RBM19: variants seen among roughly 807,000 people sequenced by gnomAD.
RBM19 encodes RNA binding motif protein 19, also known as probable RNA-binding protein 19.
A neutral mutation model predicts 116.8 loss-of-function variants in RBM19; 94 were observed. The observed-to-expected ratio is 0.80, with a 90% CI of 0.68 to 0.95. The LOEUF (loss-of-function observed/expected upper bound fraction) is 0.95. Ranked by LOEUF, RBM19 falls within the 40% of genes least tolerant of loss-of-function variation. The pLI, the probability that RBM19 is intolerant of heterozygous loss-of-function variation, is 0.00. For missense variants in RBM19, 1,161 were observed against 1,220.7 expected (o/e 0.95, Z 0.73); for synonymous variants, 475 against 494.1 (o/e 0.96, Z 0.51).
At chr12:113,836,075 A>G (rs988375563) in intron 23 of RBM19, among the ~76,000 whole-genome samples, 3 of 152,212 alleles carry the variant, frequency 2.0e-5, no homozygotes, top group Admixed American at 1.3e-4. Context: ...AAAAGGACAC[A>G]GCCAGCGGCG....
At chr12:113,962,039 GA>G (rs1872539425) in intron 2 of RBM19, among the ~76,000 whole-genome samples, 192 bp downstream of exon 2, 1 of 152,258 alleles carries the variant, frequency 6.6e-6, no homozygotes, top group African/African-American at 2.4e-5. Flanking sequence ...ATGCTCTGGG[GA>G]CGGGCCCAGG....
At chr12:113,901,330 AAT>A (rs1484322255) in intron 21 of RBM19, among the ~76,000 whole-genome samples, 1 of 151,870 alleles carries the variant, frequency 6.6e-6, no homozygotes, top group African/African-American at 2.4e-5. Context: ...GTGGCAGCTG[AAT>A]ATTAGTTTCC....
At chr12:113,830,570 C>CGGGGGGGGGG (rs869235673) in intron 23 of RBM19, among the ~76,000 whole-genome samples, 7 of 7,838 alleles carry the variant, frequency 8.9e-4, no homozygotes, top group Non-Finnish European at 1.5e-3. Flanking sequence ...GCTAGGGCTG[C>CGGGGGGGGGG]GGGGCGGGGG....
At chr12:113,952,919 T>G (rs536972229) in intron 7 of RBM19, among the ~76,000 whole-genome samples, 111 of 152,326 alleles carry the variant, frequency 7.3e-4, no homozygotes, top group Non-Finnish European at 1.3e-3. Context: ...CACTTCTCAT[T>G]AAGCTTGAGT....
At chr12:113,927,608 A>AAC (rs376177624) in intron 16 of RBM19, among the ~76,000 whole-genome samples, 16,034 of 119,552 alleles carry the variant, frequency 0.13, 975 homozygotes, top group East Asian at 0.28. Flanking sequence ...AAAAAAACAA[A>AAC]AAAAAAAAAA....
At chr12:113,836,395 T>C (rs1593462110) in intron 23 of RBM19, among the ~76,000 whole-genome samples, 2 of 152,186 alleles carry the variant, frequency 1.3e-5, no homozygotes, top group African/African-American at 4.8e-5. Flanking sequence ...TGTCCTTCGC[T>C]GTTCAATTTG....
intron 23 of RBM19, among the ~76,000 whole-genome samples, chr12:113,834,828 G>A (rs1875736179): frequency 6.6e-6 from 1 of 152,150 alleles, no homozygotes; most frequent in African/African-American, 2.4e-5. Flanking sequence ...TAACTGCTCT[G>A]GGTCTTGGTT....
intron 21 of RBM19, among the ~76,000 whole-genome samples, chr12:113,891,331 C>T (rs1462196175): frequency 6.6e-6 from 1 of 152,194 alleles, no homozygotes; most frequent in African/African-American, 2.4e-5. Flanking sequence ...GGGAAGTCAA[C>T]ATTAGCACAA....
At chr12:113,929,082 C>T (rs1020194122) in intron 16 of RBM19, among the ~76,000 whole-genome samples, 29 of 152,250 alleles carry the variant, frequency 1.9e-4, no homozygotes, top group African/African-American at 6.5e-4. Context: ...CGGGCGGGTA[C>T]GCTGGAGCTG....
chr12:113,875,012 C>T (rs968379907), intron 21 of RBM19, among the ~76,000 whole-genome samples: 12 of 152,244 alleles, frequency 7.9e-5, no homozygotes, highest in Non-Finnish European at 1.5e-4. Flanking sequence ...ATCTGAGCTT[C>T]TCAAGAAAGC....
chr12:113,927,609 A>AAC (rs1869217811), intron 16 of RBM19, among the ~76,000 whole-genome samples: 3 of 89,484 alleles, frequency 3.4e-5, no homozygotes, highest in Middle Eastern at 5.5e-3. Context: ...AAAAAACAAA[A>AAC]AAAAAAAAAC....
chr12:113,896,038 C>T lies in RBM19; in HGVS notation c.2558+18931G>A, dbSNP rs533548013. 5.9e-5 allele frequency among the ~76,000 whole-genome samples: 9 copies of T among 152,074 alleles called. No individual in the cohort carries two copies. The East Asian group carries it at 1.7e-3, about 29-fold the overall frequency. ...AGAGAGAGCTCATGTGTGCTGGGTGCATGGTAGGGGTACAATAAAGGATGA... is the reference window on the plus strand; with the variant it reads ...AGAGAGAGCTCATGTGTGCTGGGTGTATGGTAGGGGTACAATAAAGGATGA... On this transcript the variant is annotated intron_variant, in intron 21 of 23. Coordinates refer to ENST00000261741, the MANE Select transcript of RBM19 (RefSeq NM_016196.4).
chr12:113,918,635 C>A, intron 19 of RBM19, among the ~76,000 whole-genome samples, 188 bp from the exon 20 acceptor site: 1 of 152,226 alleles, frequency 6.6e-6, no homozygotes, highest in East Asian at 1.9e-4. Flanking sequence ...GCCCAGGCAG[C>A]AGCTGGTGGT....
intron 21 of RBM19, among the ~76,000 whole-genome samples, chr12:113,863,986 C>T (rs1878615402): frequency 6.6e-6 from 1 of 152,154 alleles, no homozygotes; most frequent in Non-Finnish European, 1.5e-5. Context: ...GACATGAACT[C>T]ACAAGGCCCA....
At chr12:113,887,814 G>A (rs975942867) in intron 21 of RBM19, among the ~76,000 whole-genome samples, 1 of 151,728 alleles carries the variant, frequency 6.6e-6, no homozygotes, top group African/African-American at 2.4e-5. Context: ...TCTACCTCCT[G>A]GGTTCGGGTG....
At chr12:113,926,124 A>C (rs1414266390) in intron 17 of RBM19, among the ~76,000 whole-genome samples, 1 of 152,090 alleles carries the variant, frequency 6.6e-6, no homozygotes, top group Non-Finnish European at 1.5e-5. Flanking sequence ...GCTGAGCCAG[A>C]GGGTGTCAGA....
chr12:113,955,339 G>A, intron 6 of RBM19, 128 bp from the exon 7 acceptor site: 2 of 890,380 alleles, frequency 2.2e-6, no homozygotes, highest in Non-Finnish European at 3.6e-6. Flanking sequence ...GGAATGCTGG[G>A]AAGAATCAAT....
At chr12:113,885,614 G>GT (rs1052583548) in intron 21 of RBM19, among the ~76,000 whole-genome samples, 2 of 151,802 alleles carry the variant, frequency 1.3e-5, no homozygotes, top group African/African-American at 4.8e-5. Context: ...AAAGGATCTT[G>GT]TTTTTTTTAA....
intron 21 of RBM19, among the ~76,000 whole-genome samples, chr12:113,883,675 C>T (rs540417459): frequency 7.2e-5 from 11 of 152,300 alleles, no homozygotes; most frequent in East Asian, 1.9e-4. Flanking sequence ...GACTGATCAG[C>T]GTTGAGCTGG....
Sources: allele counts gnomAD v4.1 joint callset (sites outside exome capture counted in the v4.1 genomes callset), GRCh38; gene constraint gnomAD v4.1.1; transcripts MANE v1.5; gene names NCBI Gene and HGNC (gene_info 2026-07-23, HGNC 2026-07-21).